BMS1: variants seen among roughly 807,000 people sequenced by gnomAD.
The protein encoded by BMS1 is ribosome biogenesis protein BMS1 homolog.
A neutral mutation model predicts 138.7 loss-of-function variants in BMS1; 53 were observed. The observed-to-expected ratio is 0.38, with a 90% CI of 0.31 to 0.48. The LOEUF (loss-of-function observed/expected upper bound fraction) is 0.48, where lower values mean the gene tolerates loss of function less well. Ranked by LOEUF, BMS1 falls within the 20% of genes least tolerant of loss-of-function variation. The probability of loss-of-function intolerance (pLI) is 0.97; values close to 1 mark genes in which losing one functional copy is unlikely to be tolerated. For synonymous variants in BMS1, 504 were observed against 539.9 expected, an observed-to-expected ratio of 0.93 and a Z score of 0.92; for missense variants, 1,360 against 1,565.5, an observed-to-expected ratio of 0.87 and a Z score of 2.22.
At chr10:42,788,367 T>A (rs1841401493) in intron 4 of BMS1, among the ~76,000 whole-genome samples, 1 of 152,152 alleles carries the variant, frequency 6.6e-6, no homozygotes. Flanking sequence ...TTTTAATTAT[T>A]ATGGATACAT....
intron 13 of BMS1, among the ~76,000 whole-genome samples, chr10:42,813,092 T>C (rs973593616): frequency 5.4e-4 from 83 of 152,328 alleles, no homozygotes; most frequent in African/African-American, 1.9e-3. Flanking sequence ...TCATGAGATA[T>C]TAATATATTC....
At chr10:42,802,417 G>A (rs571499802) in intron 13 of BMS1, among the ~76,000 whole-genome samples, 199 bp downstream of exon 13, 1 of 152,088 alleles carries the variant, frequency 6.6e-6, no homozygotes, top group East Asian at 1.9e-4. Context: ...GATTTACTGC[G>A]TATGGACTTT....
chr10:42,784,298 C>G, intron 1 of BMS1, 64 bp from the exon 2 acceptor site: 1 of 1,124,812 alleles, frequency 8.9e-7, no homozygotes, highest in South Asian at 1.8e-5. Context: ...CTGTTTTTCC[C>G]TGGGTATTGC....
At position 42,823,796 on chromosome 10, in the gene BMS1, G is replaced by T. The variant is rs186963609; in HGVS notation, c.3456+12G>T. The T allele has an allele frequency of 1.3e-6, 2 of 1,545,096 alleles. No homozygotes were observed. Among genetic ancestry groups the T allele is most frequent in the Non-Finnish European group, 1.7e-6 (2 of 1,155,542 alleles). ...ACTCTCTGTATAAGGTACTGGTCGC[G>T]TGTGTGTTAGTGGAGATGAAGCCTG... On this transcript the variant is annotated intron_variant, in intron 21 of 22. Transcript: ENST00000374518.
chr10:42,824,502 T>G (rs1842585747), intron 21 of BMS1, among the ~76,000 whole-genome samples: 1 of 152,174 alleles, frequency 6.6e-6, no homozygotes, highest in South Asian at 2.1e-4. Flanking sequence ...TCCTCCTTGT[T>G]TATGTTTACA....
At chr10:42,785,141 A>G (rs1024171964) in intron 2 of BMS1, among the ~76,000 whole-genome samples, 1 of 152,214 alleles carries the variant, frequency 6.6e-6, no homozygotes, top group Non-Finnish European at 1.5e-5. Flanking sequence ...GCTATGATGT[A>G]CTGCCTCGCT....
At chr10:42,829,738 C>G (rs901323950) in intron 21 of BMS1, among the ~76,000 whole-genome samples, 1 of 152,008 alleles carries the variant, frequency 6.6e-6, no homozygotes, top group Non-Finnish European at 1.5e-5. Flanking sequence ...AGGAGAATTG[C>G]TTGAACCCAG....
At chr10:42,804,681 C>T (rs1380744614) in intron 13 of BMS1, among the ~76,000 whole-genome samples, 1 of 151,772 alleles carries the variant, frequency 6.6e-6, no homozygotes, top group Non-Finnish European at 1.5e-5. Flanking sequence ...TAGTGTTTTT[C>T]ACAGAGCAAA....
chr10:42,788,477 C>T (rs1279570099), intron 4 of BMS1, among the ~76,000 whole-genome samples: 2 of 152,090 alleles, frequency 1.3e-5, no homozygotes, highest in Non-Finnish European at 2.9e-5. Context: ...TCACCTCAAA[C>T]ATTTATCATT....
At chr10:42,818,311 C>T (rs1194746414) in intron 15 of BMS1, among the ~76,000 whole-genome samples, 2 of 152,202 alleles carry the variant, frequency 1.3e-5, no homozygotes, top group Non-Finnish European at 2.9e-5. Context: ...ACACCATTTA[C>T]AATTTAAAAT....
At chr10:42,824,120 A>G (rs1842576895) in intron 21 of BMS1, among the ~76,000 whole-genome samples, 1 of 152,238 alleles carries the variant, frequency 6.6e-6, no homozygotes, top group African/African-American at 2.4e-5. Flanking sequence ...CATTTCACAC[A>G]GTTAGATTTT....
chr10:42,823,193 C>G lies in BMS1; in HGVS notation c.3208C>G (p.Gln1070Glu). The change falls in exon 20 of 23, where the codon CAG becomes GAG. Residue 1070 changes from glutamine (Q) to glutamate (E), a missense_variant. By Grantham distance (29) the Gln-to-Glu change is conservative. Coordinates refer to ENST00000374518, the MANE Select transcript of BMS1 (RefSeq NM_014753.4). ...TCGAACAGTCAGTGGGATAAGGGGG[C>G]AGATCAAGAAAGCACTCCGAGCTCC... ...VIRTVSGIRGQIKKALRAPEG... is the reference protein window; with the variant it reads ...VIRTVSGIRGEIKKALRAPEG... 1 of 1,607,708 alleles carries G rather than the reference C, an allele frequency of 6.2e-7. No homozygotes were observed. The highest frequency in any genetic ancestry group is 8.5e-7 in the Non-Finnish European group (1 of 1,178,508).
At position 42,832,734 on chromosome 10, in the gene BMS1, T is replaced by C. The variant is rs1414248564; in HGVS notation, c.*1638T>C. ...GCTAGGTCCACCTGGGAAGTGACAATTGGAACACTCCCAGACCTCTCTGGG... is the reference window on the plus strand; with the variant it reads ...GCTAGGTCCACCTGGGAAGTGACAACTGGAACACTCCCAGACCTCTCTGGG... On this transcript the variant is annotated 3_prime_UTR_variant, in exon 23 of 23. Coordinates refer to ENST00000374518, the MANE Select transcript of BMS1 (RefSeq NM_014753.4). The C allele has an allele frequency of 2.0e-5, 3 of 152,124 alleles. No individual in the cohort carries two copies. The highest frequency in any genetic ancestry group is 4.8e-5 in the African/African-American group (2 of 41,442). The allele number at this position is 152,124 out of a possible 1,614,324, so 9.4% of individuals were successfully genotyped here. A position where few individuals can be genotyped will look rare whatever the true frequency, so the allele number is the denominator to read the frequency against.
In BMS1 at chr10:42,834,276, C is replaced by T. The variant is rs1842841573; in HGVS notation, c.*3180C>T. ...TTTTTTAACAAAACCTGTGAACTTG[C>T]TTTAAGTATTATCATTTGGTGACAT... On this transcript the variant is annotated 3_prime_UTR_variant, in exon 23 of 23. Transcript: ENST00000374518. The T allele has an allele frequency of 1.3e-5, 2 of 151,948 alleles. No individual in the cohort carries two copies. The highest frequency in any genetic ancestry group is 2.4e-5 in the African/African-American group (1 of 41,340). 9.4% of individuals were successfully genotyped at this position (151,948 alleles called of 1,614,324 possible). A position where few individuals can be genotyped will look rare whatever the true frequency, so the allele number is the denominator to read the frequency against.
intron 9 of BMS1, among the ~76,000 whole-genome samples, chr10:42,795,854 AC>A (rs1841667741): frequency 6.6e-6 from 1 of 152,180 alleles, no homozygotes; most frequent in African/African-American, 2.4e-5. Context: ...GGCATTTTTA[AC>A]AAAGAGCTTT....
At chr10:42,800,678 C>G (rs1203854421) in intron 12 of BMS1, among the ~76,000 whole-genome samples, 2 of 152,018 alleles carry the variant, frequency 1.3e-5, no homozygotes, top group Non-Finnish European at 2.9e-5. Flanking sequence ...AGGCGCCCAC[C>G]ACTAGGCCCA....
chr10:42,802,184 T>A lies in BMS1; in HGVS notation c.2295T>A (p.Asp765Glu), dbSNP rs2132331183. The change falls in exon 13 of 23, where the codon GAT (aspartate) becomes GAA (glutamate). Residue 765 changes from aspartate to glutamate, a missense_variant. Transcript: ENST00000374518. ...GCTTCGTGACTGGAAAGTGGGAAGATGATAAAGATGCAGCCAAGGTCTTAG... is the reference window on the plus strand; with the variant it reads ...GCTTCGTGACTGGAAAGTGGGAAGAAGATAAAGATGCAGCCAAGGTCTTAG... ...RDCFVTGKWE[D>E]DKDAAKVLAE... The A allele has an allele frequency of 6.2e-7, 1 of 1,613,640 alleles. No homozygotes were observed.
At position 42,823,410 on chromosome 10, in the gene BMS1, G is replaced by A. The variant is rs1203421923; in HGVS notation, c.3280+145G>A. On this transcript the variant is annotated intron_variant, in intron 20 of 22. Transcript: ENST00000374518. ...CCCAGTCTTATGGGTGTGCCCATTC[G>A]CTTTGTGTCTGCAGTCCCCTGGCCA... 7.4e-6 allele frequency: 9 copies of A among 1,215,856 alleles called. No individual in the cohort carries two copies. In the African/African-American group the frequency reaches 9.2e-5, roughly 12 times the overall value. 75.3% of individuals were successfully genotyped at this position (1,215,856 alleles called of 1,614,324 possible). A position where few individuals can be genotyped will look rare whatever the true frequency, so the allele number is the denominator to read the frequency against.
At chr10:42,807,318 T>G (rs1481821731) in intron 13 of BMS1, among the ~76,000 whole-genome samples, 1 of 152,170 alleles carries the variant, frequency 6.6e-6, no homozygotes, top group Non-Finnish European at 1.5e-5. Flanking sequence ...GTGAGGGGCT[T>G]TTTTCACTCA....
Sources: allele counts gnomAD v4.1 joint callset (sites outside exome capture counted in the v4.1 genomes callset), GRCh38; gene constraint gnomAD v4.1.1; transcripts MANE v1.5; gene names NCBI Gene and HGNC (gene_info 2026-07-23, HGNC 2026-07-21).